The following RPS6KA3 variants were observed in gnomAD, a reference collection of about 807,000 sequenced individuals.
RPS6KA3 encodes ribosomal protein S6 kinase A3.
RPS6KA3 carries 4 observed loss-of-function variants against 67.2 expected under a neutral mutation model. The observed-to-expected ratio is 0.06, with a 90% CI of 0.03 to 0.14. The LOEUF is 0.14. Ranked by LOEUF, RPS6KA3 falls within the 10% of genes least tolerant of loss-of-function variation. The probability of loss-of-function intolerance (pLI) is 1.00; values close to 1 mark genes in which losing one functional copy is unlikely to be tolerated. For missense variants in RPS6KA3, 204 were observed against 559.0 expected, an observed-to-expected ratio of 0.36 and a Z score of 6.40; for synonymous variants, 182 against 183.7, an observed-to-expected ratio of 0.99 and a Z score of 0.07.
chrX:20,239,440 T>C (rs1329698902), intron 1 of RPS6KA3, among the ~76,000 whole-genome samples: 1 of 111,873 alleles, frequency 8.9e-6, no homozygotes, highest in Non-Finnish European at 1.9e-5. Context: ...TATATTTTTA[T>C]ACAATGTAGC....
chrX:20,229,117 T>C (rs867550661), intron 2 of RPS6KA3, among the ~76,000 whole-genome samples: 1 of 101,073 alleles, frequency 9.9e-6, no homozygotes, highest in Non-Finnish European at 2.0e-5. Context: ...AGTAAGTGCC[T>C]TTTTTTTTTT....
chrX:20,217,827 T>C (rs2068894024), intron 2 of RPS6KA3, among the ~76,000 whole-genome samples: 1 of 112,302 alleles, frequency 8.9e-6, no homozygotes, highest in Non-Finnish European at 1.9e-5. Flanking sequence ...AAAAATTATT[T>C]TGCTGTGACA....
chrX:20,160,992 A>G (rs2067292621), intron 20 of RPS6KA3, among the ~76,000 whole-genome samples: 1 of 111,785 alleles, frequency 8.9e-6, no homozygotes, highest in African/African-American at 3.3e-5. Context: ...TCTCTATGAA[A>G]AAAGTGAAAA....
At chrX:20,257,219 GGAAA>G (rs1414269687) in intron 1 of RPS6KA3, among the ~76,000 whole-genome samples, 2 of 112,026 alleles carry the variant, frequency 1.8e-5, no homozygotes, top group Non-Finnish European at 3.8e-5. Context: ...TCTTCACTTG[GGAAA>G]GAAAGAGCAG....
intron 1 of RPS6KA3, among the ~76,000 whole-genome samples, chrX:20,240,991 T>C: frequency 9.0e-6 from 1 of 111,260 alleles, no homozygotes; most frequent in Middle Eastern, 4.6e-3. Flanking sequence ...TTATTATGTA[T>C]TAATTTTATA....
chrX:20,256,669 G>GA (rs1182930236), intron 1 of RPS6KA3, among the ~76,000 whole-genome samples: 1 of 111,798 alleles, frequency 8.9e-6, no homozygotes, highest in Non-Finnish European at 1.9e-5. Flanking sequence ...ACTGTATTTG[G>GA]AAACTAACAT....
intron 2 of RPS6KA3, 53 bp from the exon 3 acceptor site, chrX:20,209,457 C>A: frequency 3.2e-6 from 2 of 634,591 alleles, no homozygotes; most frequent in South Asian, 4.5e-5. Flanking sequence ...GCTATTTTCT[C>A]CCGCTAAAAA....
intron 3 of RPS6KA3, among the ~76,000 whole-genome samples, chrX:20,206,413 G>A (rs1167421145): frequency 8.9e-6 from 1 of 112,120 alleles, no homozygotes; most frequent in Non-Finnish European, 1.9e-5. Context: ...ATTTGGGTTT[G>A]AGTGGTGTGA....
At chrX:20,198,964 T>C (rs1275316030) in intron 4 of RPS6KA3, among the ~76,000 whole-genome samples, 3 of 111,078 alleles carry the variant, frequency 2.7e-5, no homozygotes, top group Non-Finnish European at 3.8e-5. Context: ...CTCCGCCTCC[T>C]GGGTTCAAAC....
At chrX:20,218,054 T>C (rs949624232) in intron 2 of RPS6KA3, among the ~76,000 whole-genome samples, 1 of 112,068 alleles carries the variant, frequency 8.9e-6, no homozygotes, top group Admixed American at 9.5e-5. Context: ...TTCTCCAGAT[T>C]AACATTTCTA....
chrX:20,187,718 C>T, intron 9 of RPS6KA3, 110 bp downstream of exon 9: 1 of 658,245 alleles, frequency 1.5e-6, no homozygotes, highest in Non-Finnish European at 2.5e-6. Flanking sequence ...TTATTTATTA[C>T]ATATGGCATA....
chrX:20,244,168 A>G (rs185736174), intron 1 of RPS6KA3, among the ~76,000 whole-genome samples: 212 of 111,966 alleles, frequency 1.9e-3, no homozygotes, highest in African/African-American at 6.5e-3. Flanking sequence ...TCAACTTATA[A>G]GTTTCTATGA....
At chrX:20,219,608 A>C (rs2068940610) in intron 2 of RPS6KA3, among the ~76,000 whole-genome samples, 1 of 111,962 alleles carries the variant, frequency 8.9e-6, no homozygotes, top group Admixed American at 9.5e-5. Flanking sequence ...TAAAAAAAAG[A>C]AGTCCAATCC....
chrX:20,249,247 A>G (rs2069792600), intron 1 of RPS6KA3, among the ~76,000 whole-genome samples: 1 of 112,129 alleles, frequency 8.9e-6, no homozygotes, highest in Non-Finnish European at 1.9e-5. Context: ...TAATTTTTGG[A>G]TAGTACAAAT....
At chrX:20,157,501 C>CAAAAAAA (rs1197154800) in intron 20 of RPS6KA3, among the ~76,000 whole-genome samples, 1 of 49,931 alleles carries the variant, frequency 2.0e-5, no homozygotes. Flanking sequence ...GACCCTGTCT[C>CAAAAAAA]AAAAAAAAAA....
intron 18 of RPS6KA3, among the ~76,000 whole-genome samples, chrX:20,163,826 G>A (rs886073949): frequency 5.4e-5 from 6 of 111,189 alleles, no homozygotes; most frequent in African/African-American, 2.0e-4. Context: ...GTGCCATCAC[G>A]CTTGGCTTAT....
At chrX:20,237,177 C>T (rs1332572899) in intron 1 of RPS6KA3, among the ~76,000 whole-genome samples, 3 of 111,463 alleles carry the variant, frequency 2.7e-5, no homozygotes, top group African/African-American at 9.8e-5. Flanking sequence ...AATTACCTCA[C>T]CTCTGGCCCA....
chrX:20,182,153 G>T (rs1056467730), intron 10 of RPS6KA3, among the ~76,000 whole-genome samples: 2 of 111,662 alleles, frequency 1.8e-5, no homozygotes, highest in Non-Finnish European at 3.8e-5. Flanking sequence ...ATAGTTATCT[G>T]GCCAAGACAC....
chrX:20,248,784 A>G (rs892004144), intron 1 of RPS6KA3, among the ~76,000 whole-genome samples: 9 of 112,423 alleles, frequency 8.0e-5, no homozygotes, highest in Non-Finnish European at 1.7e-4. Context: ...GTAACATCTT[A>G]TATCACTTCC....
Sources: gnomAD v4.1 joint callset for allele counts (sites outside exome capture counted in the v4.1 genomes callset) on GRCh38, gnomAD v4.1.1 for gene constraint, MANE v1.5 for transcripts, NCBI Gene and HGNC (gene_info 2026-07-23, HGNC 2026-07-21) for gene names.